Variants in GFRA1 observed in about 807,000 individuals in gnomAD.
GFRA1 encodes the protein GDNF family receptor alpha-1.
A neutral mutation model predicts 51.6 loss-of-function variants in GFRA1; 16 were observed. That is an observed-to-expected ratio of 0.31 (90% CI 0.21 to 0.47). The LOEUF (loss-of-function observed/expected upper bound fraction) is 0.47, where lower values mean the gene tolerates loss of function less well. GFRA1 is among the 20% of genes least tolerant of loss of function. The pLI, the probability that GFRA1 is intolerant of heterozygous loss-of-function variation, is 1.00. For synonymous variants in GFRA1, 270 were observed against 241.3 expected (o/e 1.12, Z -1.10); for missense variants, 530 against 594.3 (o/e 0.89, Z 1.13).
At chr10:116,196,391 A>G (rs1963751511) in intron 5 of GFRA1, among the ~76,000 whole-genome samples, 1 of 150,178 alleles carries the variant, frequency 6.7e-6, no homozygotes, top group African/African-American at 2.5e-5. Flanking sequence ...AGGGAGGCTG[A>G]GGCAGGAGAA....
chr10:116,226,877 T>C (rs923635834), intron 4 of GFRA1: 19 of 219,654 alleles, frequency 8.6e-5, no homozygotes, highest in African/African-American at 3.6e-4. Context: ...ATCCCTCTCA[T>C]GTGCAGTTCA....
chr10:116,176,004 T>C (rs994917916), intron 5 of GFRA1, among the ~76,000 whole-genome samples: 6 of 152,336 alleles, frequency 3.9e-5, no homozygotes, highest in Middle Eastern at 3.4e-3. Flanking sequence ...TGATGCAGGC[T>C]GATCGTTTCC....
At chr10:116,073,267 C>T (rs1297137260) in intron 9 of GFRA1, among the ~76,000 whole-genome samples, 1 of 152,210 alleles carries the variant, frequency 6.6e-6, no homozygotes, top group Non-Finnish European at 1.5e-5. Context: ...ACTCTGTCTA[C>T]AGCATAGAGC....
At chr10:116,159,344 G>C (rs1300116697) in intron 5 of GFRA1, among the ~76,000 whole-genome samples, 1 of 152,144 alleles carries the variant, frequency 6.6e-6, no homozygotes, top group East Asian at 1.9e-4. Context: ...AGAGGTCACT[G>C]GGTCATACTG....
At chr10:116,200,227 T>C (rs1177043150) in intron 5 of GFRA1, among the ~76,000 whole-genome samples, 1 of 152,174 alleles carries the variant, frequency 6.6e-6, no homozygotes, top group Non-Finnish European at 1.5e-5. Flanking sequence ...GGGGCCTGGG[T>C]GAGATCTCTG....
chr10:116,268,246 G>A (rs1231901682), intron 4 of GFRA1, among the ~76,000 whole-genome samples: 2 of 152,144 alleles, frequency 1.3e-5, no homozygotes, highest in Non-Finnish European at 2.9e-5. Flanking sequence ...AGACTTTTGT[G>A]ATTTGGGGCT....
At chr10:116,248,645 G>T (rs554448242) in intron 4 of GFRA1, among the ~76,000 whole-genome samples, 3 of 152,278 alleles carry the variant, frequency 2.0e-5, no homozygotes, top group Admixed American at 2.0e-4. Context: ...AAAGCACTTT[G>T]TTATGTGTCA....
chr10:116,227,249 T>C (rs1966363318), intron 4 of GFRA1, among the ~76,000 whole-genome samples: 1 of 152,160 alleles, frequency 6.6e-6, no homozygotes, highest in Non-Finnish European at 1.5e-5. Context: ...GATCAAACTG[T>C]TATCATTAAG....
chr10:116,075,549 A>G (rs1264287820), intron 9 of GFRA1, among the ~76,000 whole-genome samples: 1 of 152,152 alleles, frequency 6.6e-6, no homozygotes, highest in East Asian at 1.9e-4. Flanking sequence ...CAAAGAGATT[A>G]AGCTACTCTC....
intron 5 of GFRA1, among the ~76,000 whole-genome samples, chr10:116,179,667 T>C (rs537118604): frequency 6.6e-6 from 1 of 152,274 alleles, no homozygotes; most frequent in African/African-American, 2.4e-5. Flanking sequence ...GAGATCTGCT[T>C]TGGGCATAGA....
At chr10:116,161,871 T>A (rs1165799203) in intron 5 of GFRA1, among the ~76,000 whole-genome samples, 1 of 152,226 alleles carries the variant, frequency 6.6e-6, no homozygotes, top group African/African-American at 2.4e-5. Flanking sequence ...TACTGCCATT[T>A]GTGCAAAAGA....
chr10:116,183,236 C>T (rs1460163860), intron 5 of GFRA1, among the ~76,000 whole-genome samples: 3 of 152,286 alleles, frequency 2.0e-5, no homozygotes, highest in African/African-American at 7.2e-5. Context: ...GTTGATTCTC[C>T]TCAGTCAGAC....
chr10:116,146,322 T>C (rs1017389157), intron 5 of GFRA1, among the ~76,000 whole-genome samples: 3 of 152,230 alleles, frequency 2.0e-5, no homozygotes, highest in East Asian at 3.8e-4. Flanking sequence ...TAATTGTATA[T>C]GCTACATCAT....
chr10:116,078,533 T>C (rs1955711629), intron 9 of GFRA1, among the ~76,000 whole-genome samples: 1 of 152,040 alleles, frequency 6.6e-6, no homozygotes, highest in Non-Finnish European at 1.5e-5. Context: ...AAGGATGTAG[T>C]CTAGGTGAGG....
intron 4 of GFRA1, among the ~76,000 whole-genome samples, chr10:116,217,035 C>CT (rs1176337704): frequency 6.6e-6 from 1 of 152,136 alleles, no homozygotes; most frequent in African/African-American, 2.4e-5. Context: ...TGAATTTTTT[C>CT]TTTTTATGTT....
chr10:116,182,977 C>A (rs2134281486), intron 5 of GFRA1, among the ~76,000 whole-genome samples: 1 of 152,306 alleles, frequency 6.6e-6, no homozygotes, highest in South Asian at 2.1e-4. Flanking sequence ...GTGTAACTGA[C>A]CTTTTGGAAT....
At chr10:116,177,323 C>A (rs1233574502) in intron 5 of GFRA1, among the ~76,000 whole-genome samples, 2 of 152,070 alleles carry the variant, frequency 1.3e-5, no homozygotes, top group Non-Finnish European at 2.9e-5. Context: ...GAGGCTTATG[C>A]AATGGTCTAG....
intron 5 of GFRA1, among the ~76,000 whole-genome samples, chr10:116,164,346 C>A (rs375879918): frequency 4.6e-5 from 7 of 150,834 alleles, no homozygotes; most frequent in African/African-American, 1.7e-4. Context: ...CCCAATCCAA[C>A]ACTAACCCCC....
chr10:116,151,046 C>G (rs1400773456), intron 5 of GFRA1, among the ~76,000 whole-genome samples: 1 of 151,954 alleles, frequency 6.6e-6, no homozygotes, highest in African/African-American at 2.4e-5. Flanking sequence ...AAAGAACATC[C>G]CCTGGGAGTC....
Sources: gnomAD v4.1 joint callset for allele counts (sites outside exome capture counted in the v4.1 genomes callset) on GRCh38, gnomAD v4.1.1 for gene constraint, MANE v1.5 for transcripts, NCBI Gene and HGNC (gene_info 2026-07-23, HGNC 2026-07-21) for gene names.